SCNN1B: variants seen among roughly 807,000 people sequenced by gnomAD.
SCNN1B encodes sodium channel epithelial 1 subunit beta.
Under a neutral mutation model 65.3 loss-of-function variants are expected in SCNN1B, and 46 were observed. That is an observed-to-expected ratio of 0.70 (90% CI 0.56 to 0.90). The LOEUF is 0.90. SCNN1B is among the 40% of genes least tolerant of loss of function. The pLI, the probability that SCNN1B is intolerant of heterozygous loss-of-function variation, is 0.00. For missense variants in SCNN1B, 751 were observed against 830.5 expected (o/e 0.90, Z 1.18); for synonymous variants, 349 against 330.6 (o/e 1.06, Z -0.60).
chr16:23,379,970 G>A (rs960516515), intron 11 of SCNN1B, 124 bp from the exon 12 acceptor site: 134 of 794,706 alleles, frequency 1.7e-4, no homozygotes, highest in Non-Finnish European at 2.9e-4. Flanking sequence ...GTGGGTACAT[G>A]TGTGTGCATA....
chr16:23,350,377 T>G (rs1468280261), intron 2 of SCNN1B, among the ~76,000 whole-genome samples: 1 of 152,108 alleles, frequency 6.6e-6, no homozygotes, highest in African/African-American at 2.4e-5. Flanking sequence ...ATTCTCCGCT[T>G]GATAGCAAGA....
chr16:23,353,126 G>A (rs1244916734), intron 3 of SCNN1B, 52 bp downstream of exon 3: 2 of 1,576,996 alleles, frequency 1.3e-6, no homozygotes, highest in Non-Finnish European at 1.7e-6. Context: ...CAGTGAGGCT[G>A]ATGGGTGTTT....
intron 2 of SCNN1B, among the ~76,000 whole-genome samples, chr16:23,287,626 A>C (rs1567284555): frequency 6.6e-6 from 1 of 152,054 alleles, no homozygotes; most frequent in South Asian, 2.1e-4. Flanking sequence ...TGGCCTACAG[A>C]TCCACCTCCT....
At chr16:23,287,894 C>T (rs1960872804) in intron 2 of SCNN1B, among the ~76,000 whole-genome samples, 1 of 150,674 alleles carries the variant, frequency 6.6e-6, no homozygotes, top group African/African-American at 2.5e-5. Flanking sequence ...GTGACTCACA[C>T]CTGTAATCCC....
Position 23,348,500 on chromosome 16 carries a change from C to T in SCNN1B, c.-8-92C>T, listed in dbSNP as rs1043063510. 28 of 1,187,346 alleles carry T rather than the reference C, an allele frequency of 2.4e-5. No homozygotes were observed. Among genetic ancestry groups the T allele is most frequent in the Non-Finnish European group, 3.0e-5 (25 of 824,494 alleles). 73.6% of individuals were successfully genotyped at this position (1,187,346 alleles called of 1,614,324 possible). ...GGTAAAGAGGGAGGAAGAACGGGGA[C>T]GTACCGCCGCCCAGTTCCTGGACGT... On this transcript the variant is annotated intron_variant, in intron 1 of 12. Coordinates refer to ENST00000343070, the MANE Select transcript of SCNN1B (RefSeq NM_000336.3). This position sits in a 1 kb window ranked among gnomAD's most constrained non-coding sequence, Gnocchi z 4.5.
chr16:23,378,894 G>A lies in SCNN1B; in HGVS notation c.1466+127G>A, dbSNP rs888032513. The A allele has an allele frequency of 3.8e-5, 32 of 845,018 alleles. No individual in the cohort carries two copies. In the African/African-American group the frequency reaches 5.0e-4, roughly 13 times the overall value. The allele number at this position is 845,018 out of a possible 1,614,324, so 52.3% of individuals were successfully genotyped here. A position where few individuals can be genotyped will look rare whatever the true frequency, so the allele number is the denominator to read the frequency against. On this transcript the variant is annotated intron_variant, in intron 11 of 12. Coordinates refer to ENST00000343070, the MANE Select transcript of SCNN1B (RefSeq NM_000336.3). ...TGGGTCAGACCGAGGAGCAAGTCTT[G>A]AGGAGGAGGCACTAGGAGTGAGAGA...
intron 1 of SCNN1B, among the ~76,000 whole-genome samples, chr16:23,280,140 C>G (rs1403834818): frequency 6.6e-6 from 1 of 152,180 alleles, no homozygotes; most frequent in East Asian, 1.9e-4. Flanking sequence ...GCCCAGCACT[C>G]CGCCAGGGGC....
At chr16:23,279,339 C>A (rs1356276069) in intron 1 of SCNN1B, among the ~76,000 whole-genome samples, 1 of 152,148 alleles carries the variant, frequency 6.6e-6, no homozygotes, top group African/African-American at 2.4e-5. Flanking sequence ...CTCAGCCTCC[C>A]AAGCTACTGG....
chr16:23,335,497 C>T (rs1961918088), intron 1 of SCNN1B, among the ~76,000 whole-genome samples: 1 of 149,704 alleles, frequency 6.7e-6, no homozygotes, highest in Non-Finnish European at 1.5e-5. Flanking sequence ...TCTCTGTCGC[C>T]CAGGCCGGAG....
Position 23,378,565 on chromosome 16 carries a change from C to G in SCNN1B, c.1405-141C>G, listed in dbSNP as rs1453355123. 1.2e-5 allele frequency: 9 copies of G among 764,730 alleles called. No individual in the cohort carries two copies. The Admixed American group carries it at 1.8e-4, about 15-fold the overall frequency. 47.4% of individuals were successfully genotyped at this position (764,730 alleles called of 1,614,324 possible). On this transcript the variant is annotated intron_variant, in intron 10 of 12. Coordinates refer to ENST00000343070, the MANE Select transcript of SCNN1B (RefSeq NM_000336.3). Reference sequence around the variant, plus strand: ...CCACAGCTTCCACTACGACCTTCCTCCTGCTCCTCATCCAAATTGTGATTC... The same window carrying G: ...CCACAGCTTCCACTACGACCTTCCTGCTGCTCCTCATCCAAATTGTGATTC...
intron 5 of SCNN1B, among the ~76,000 whole-genome samples, chr16:23,369,120 T>G (rs1333055247): frequency 6.6e-6 from 1 of 152,208 alleles, no homozygotes; most frequent in African/African-American, 2.4e-5. Context: ...GTTTGTTTGT[T>G]TTCTTGAGAC....
intron 6 of SCNN1B, 134 bp downstream of exon 6, chr16:23,371,596 TC>T: frequency 6.3e-6 from 7 of 1,106,760 alleles, no homozygotes; most frequent in Non-Finnish European, 8.0e-6. Context: ...TTGGCTGGAA[TC>T]CCCCCAGGGT....
upstream of SCNN1B, among the ~76,000 whole-genome samples, chr16:23,299,894 A>G (rs1166347602): frequency 6.6e-6 from 1 of 152,266 alleles, no homozygotes; most frequent in Non-Finnish European, 1.5e-5. Flanking sequence ...ATGCACATGT[A>G]TGTTTATTGC....
chr16:23,313,497 TG>T (rs1961387189), intron 1 of SCNN1B, among the ~76,000 whole-genome samples: 2 of 152,258 alleles, frequency 1.3e-5, no homozygotes, highest in Non-Finnish European at 2.9e-5. Context: ...AGGACTGAAC[TG>T]GACTCAGTTT....
chr16:23,380,234 G>T lies in SCNN1B; in HGVS notation c.1542+65G>T. 6.6e-7 allele frequency: 1 copy of T among 1,521,550 alleles called. No individual in the cohort carries two copies. Among genetic ancestry groups the T allele is most frequent in the South Asian group, 1.1e-5 (1 of 89,170 alleles). 94.3% of individuals were successfully genotyped at this position (1,521,550 alleles called of 1,614,324 possible). A position where few individuals can be genotyped will look rare whatever the true frequency, so the allele number is the denominator to read the frequency against. On this transcript the variant is annotated intron_variant, in intron 12 of 12. Transcript: ENST00000343070. This position sits in a 1 kb window ranked among gnomAD's most constrained non-coding sequence, Gnocchi z 5.4. Reference sequence around the variant, plus strand: ...CCCTGACCCCTGCACCCTGAGGGTGGGGGAAGGGTTCTGAGCCCTATGAAG... The same window carrying T: ...CCCTGACCCCTGCACCCTGAGGGTGTGGGAAGGGTTCTGAGCCCTATGAAG...
upstream of SCNN1B, among the ~76,000 whole-genome samples, chr16:23,298,436 T>A (rs556574669): frequency 3.7e-4 from 57 of 152,260 alleles, no homozygotes; most frequent in South Asian, 5.0e-3. Flanking sequence ...CCACTTTTAA[T>A]GACATGCTAA....
intron 1 of SCNN1B, among the ~76,000 whole-genome samples, chr16:23,308,823 G>A (rs1961276331): frequency 6.6e-6 from 1 of 152,036 alleles, no homozygotes; most frequent in South Asian, 2.1e-4. Context: ...TGTAGAGATG[G>A]GGTTTCACCA....
chr16:23,300,840 G>GA (rs1340829038), upstream of SCNN1B, among the ~76,000 whole-genome samples: 2 of 151,706 alleles, frequency 1.3e-5, no homozygotes, highest in African/African-American at 4.8e-5. Context: ...ACCAAAAAAA[G>GA]AAAAAAATTG....
At chr16:23,305,168 G>C (rs920169998) in intron 1 of SCNN1B, among the ~76,000 whole-genome samples, 3 of 152,032 alleles carry the variant, frequency 2.0e-5, no homozygotes, top group African/African-American at 7.2e-5. Context: ...CTTACAAAAG[G>C]CCTAAGGTGT....
Sources: allele counts gnomAD v4.1 joint callset (sites outside exome capture counted in the v4.1 genomes callset), GRCh38; gene constraint gnomAD v4.1.1; non-coding constraint Gnocchi (gnomAD v3.1); transcripts MANE v1.5; gene names NCBI Gene and HGNC (gene_info 2026-07-23, HGNC 2026-07-21).